Variants in GFPT1 observed in about 807,000 individuals in gnomAD.
GFPT1 encodes the protein glutamine--fructose-6-phosphate transaminase 1.
GFPT1 carries 40 observed loss-of-function variants against 92.0 expected under a neutral mutation model. That is an observed-to-expected ratio of 0.43 (90% CI 0.34 to 0.57). The LOEUF (loss-of-function observed/expected upper bound fraction) is 0.57, where lower values mean the gene tolerates loss of function less well. GFPT1 is among the 20% of genes least tolerant of loss of function. The pLI is 0.02. For missense variants in GFPT1, 448 were observed against 869.1 expected, an observed-to-expected ratio of 0.52 and a Z score of 6.09; for synonymous variants, 269 against 280.6, an observed-to-expected ratio of 0.96 and a Z score of 0.41.
chr2:69,357,090 A>T (rs1671356352), intron 6 of GFPT1, among the ~76,000 whole-genome samples: 1 of 152,146 alleles, frequency 6.6e-6, no homozygotes, highest in African/African-American at 2.4e-5. Context: ...AACAACTACA[A>T]AAATAGATCA....
At chr2:69,344,798 C>G (rs970747280) in intron 12 of GFPT1, among the ~76,000 whole-genome samples, 1 of 151,910 alleles carries the variant, frequency 6.6e-6, no homozygotes, top group African/African-American at 2.4e-5. Context: ...CACCCACCAC[C>G]ACACCCAGCT....
At chr2:69,354,948 G>A (rs1027291220) in intron 7 of GFPT1, among the ~76,000 whole-genome samples, 5 of 152,138 alleles carry the variant, frequency 3.3e-5, no homozygotes, top group Non-Finnish European at 7.3e-5. Flanking sequence ...AGGTTGGAGT[G>A]AGCCAAGATC....
chr2:69,348,348 A>C lies in GFPT1; in HGVS notation c.846-14T>G. ...TCTATGACAGCACTATAAAGTTTTCAAGGAGATATTACAATCGATAACCAA... is the reference window on the plus strand; with the variant it reads ...TCTATGACAGCACTATAAAGTTTTCCAGGAGATATTACAATCGATAACCAA... On this transcript the variant is annotated splice_polypyrimidine_tract_variant and intron_variant, in intron 10 of 19. Coordinates refer to ENST00000357308, the MANE Select transcript of GFPT1 (RefSeq NM_001244710.2). 6.3e-7 allele frequency: 1 copy of C among 1,594,648 alleles called. No homozygotes were observed. The highest frequency in any genetic ancestry group is 8.6e-7 in the Non-Finnish European group (1 of 1,162,284).
intron 3 of GFPT1, among the ~76,000 whole-genome samples, chr2:69,368,426 A>G (rs893230664): frequency 6.6e-6 from 1 of 151,988 alleles, no homozygotes; most frequent in South Asian, 2.1e-4. Context: ...AGATAACTAC[A>G]CTTCAAAAAC....
rs748958210 is a variant in GFPT1 at position 69,352,612 on chromosome 2, C to CAAAAAAAAAAAAA, written c.739+1634_739+1646dup. ...TGAGCAACAGAGCGAGACTTCGTCT[C>CAAAAAAAAAAAAA]AAAAAAAAAAAAAAAAAAAAAAAAA... On this transcript the variant is annotated intron_variant, in intron 9 of 19. Transcript: ENST00000357308. Among the ~76,000 whole-genome samples, 33 of 47,386 alleles carry CAAAAAAAAAAAAA rather than the reference C, an allele frequency of 7.0e-4. 2 individuals carry two copies. Among genetic ancestry groups the CAAAAAAAAAAAAA allele is most frequent in the African/African-American group, 2.3e-3 (30 of 13,146 alleles). 31.1% of individuals were successfully genotyped at this position (47,386 alleles called of 152,430 possible). A position where few individuals can be genotyped will look rare whatever the true frequency, so the allele number is the denominator to read the frequency against.
At chr2:69,348,779 T>A (rs564765883) in intron 10 of GFPT1, among the ~76,000 whole-genome samples, 3 of 152,316 alleles carry the variant, frequency 2.0e-5, no homozygotes, top group South Asian at 4.1e-4. Context: ...AAAATTGATA[T>A]CAAAAGGCAA....
rs1017771335 is a variant in GFPT1 at position 69,378,590 on chromosome 2, G to T, written c.8-4477C>A. 3.3e-5 allele frequency among the ~76,000 whole-genome samples: 5 copies of T among 152,200 alleles called. 1 individual carries two copies. Among genetic ancestry groups the T allele is most frequent in the African/African-American group, 1.2e-4 (5 of 41,454 alleles). ...ACAAAAAAGCAATTATGAGCACCTT[G>T]CTAACAAAATTTCAGAAGCAATCTG... On this transcript the variant is annotated intron_variant, in intron 1 of 19. Transcript: ENST00000357308.
chr2:69,386,746 T>C (rs1672137689), intron 1 of GFPT1, among the ~76,000 whole-genome samples: 1 of 152,122 alleles, frequency 6.6e-6, no homozygotes, highest in African/African-American at 2.4e-5. Flanking sequence ...CACACCTCAA[T>C]TCCCTCAGCT....
At chr2:69,346,273 C>G (rs1671079775) in intron 11 of GFPT1, among the ~76,000 whole-genome samples, 2 of 151,708 alleles carry the variant, frequency 1.3e-5, no homozygotes, top group South Asian at 4.1e-4. Context: ...GAGTCTTGCT[C>G]TGTCACCCAG....
At chr2:69,331,874 TA>T (rs911439105) in intron 15 of GFPT1, among the ~76,000 whole-genome samples, 1 of 151,972 alleles carries the variant, frequency 6.6e-6, no homozygotes, top group Non-Finnish European at 1.5e-5. Flanking sequence ...TCTCTAAAAT[TA>T]AAAAAAAGAA....
At position 69,386,027 on chromosome 2, in the gene GFPT1, TAAAAA is replaced by T. The variant is rs370310082; in HGVS notation, c.7+1033_7+1037del. On this transcript the variant is annotated intron_variant, in intron 1 of 19. Coordinates refer to ENST00000357308, the MANE Select transcript of GFPT1 (RefSeq NM_001244710.2). ...ATTCTCTTACAATGGTACTTCCCTT[TAAAAA>T]AAAAAAAAAAAAGTGTACTTTCTTC... is the stretch of plus-strand genomic sequence containing the variant. Among the ~76,000 whole-genome samples, 918 of 140,340 alleles carry T rather than the reference TAAAAA, an allele frequency of 6.5e-3. 9 individuals are homozygous for T. Among genetic ancestry groups the T allele is most frequent in the African/African-American group, 0.023 (880 of 38,312 alleles). The allele number at this position is 140,340 out of a possible 152,430, so 92.1% of individuals were successfully genotyped here.
intron 2 of GFPT1, among the ~76,000 whole-genome samples, chr2:69,373,271 G>A (rs1558777827): frequency 6.6e-6 from 1 of 152,168 alleles, no homozygotes; most frequent in Non-Finnish European, 1.5e-5. Flanking sequence ...TTGAGGGAAG[G>A]AGCTAGGGTA....
At chr2:69,383,800 G>C (rs993508622) in intron 1 of GFPT1, among the ~76,000 whole-genome samples, 15 of 151,928 alleles carry the variant, frequency 9.9e-5, no homozygotes, top group African/African-American at 3.4e-4. Context: ...TAATTTTTTT[G>C]GATTTTTAGT....
intron 1 of GFPT1, among the ~76,000 whole-genome samples, chr2:69,385,013 T>G (rs1261226836): frequency 6.6e-6 from 1 of 152,170 alleles, no homozygotes; most frequent in African/African-American, 2.4e-5. Flanking sequence ...ACCCTATCCC[T>G]AGAATCAGGC....
intron 6 of GFPT1, among the ~76,000 whole-genome samples, chr2:69,357,035 C>G (rs1474385663): frequency 1.3e-5 from 2 of 152,118 alleles, no homozygotes; most frequent in Non-Finnish European, 2.9e-5. Context: ...GCAGCCAAGA[C>G]CCACTTTTTT....
chr2:69,323,643 C>A lies in GFPT1; in HGVS notation c.*2546G>T, dbSNP rs1397811301. 6.6e-6 allele frequency: 1 copy of A among 151,434 alleles called. No homozygotes were observed. The highest frequency in any genetic ancestry group is 2.4e-5 in the African/African-American group (1 of 41,092). The allele number at this position is 151,434 out of a possible 1,614,324, so 9.4% of individuals were successfully genotyped here. A position where few individuals can be genotyped will look rare whatever the true frequency, so the allele number is the denominator to read the frequency against. ...CCTCCCAAGTTGCTGAGACTACAGG[C>A]ACAAGCCACCATGCCCAGCCCATTT... On this transcript the variant is annotated 3_prime_UTR_variant, in exon 20 of 20. Coordinates refer to ENST00000357308, the MANE Select transcript of GFPT1 (RefSeq NM_001244710.2).
intron 1 of GFPT1, among the ~76,000 whole-genome samples, chr2:69,386,196 T>G (rs1672124342): frequency 6.6e-6 from 1 of 152,200 alleles, no homozygotes; most frequent in Non-Finnish European, 1.5e-5. Context: ...TCACTAACAC[T>G]TAGGTCATAA....
At chr2:69,350,294 A>T in intron 9 of GFPT1, 111 bp from the exon 10 acceptor site, 1 of 759,430 alleles carries the variant, frequency 1.3e-6, no homozygotes, top group South Asian at 1.6e-5. Context: ...ACACAAAACA[A>T]TTTTAGCAAA....
chr2:69,374,479 A>C (rs1393116728), intron 1 of GFPT1, among the ~76,000 whole-genome samples: 2 of 152,008 alleles, frequency 1.3e-5, no homozygotes, highest in East Asian at 3.9e-4. Flanking sequence ...ACGCCCAGCT[A>C]ATTTTTTGTA....
Sources: allele counts gnomAD v4.1 joint callset (sites outside exome capture counted in the v4.1 genomes callset), GRCh38; gene constraint gnomAD v4.1.1; transcripts MANE v1.5; gene names NCBI Gene and HGNC (gene_info 2026-07-23, HGNC 2026-07-21).